TSPAN11: variants seen among roughly 807,000 people sequenced by gnomAD.
The protein encoded by TSPAN11 is tetraspanin 11.
Under a neutral mutation model 32.9 loss-of-function variants are expected in TSPAN11, and 29 were observed. That is an observed-to-expected ratio of 0.88 (90% CI 0.66 to 1.20). TSPAN11 has a LOEUF of 1.20. Among genes scored for constraint, TSPAN11 ranks in the 50% most tolerant of loss-of-function variants. The pLI is 0.00. For missense variants in TSPAN11, 283 were observed against 329.1 expected (o/e 0.86, Z 1.08); for synonymous variants, 140 against 141.3 (o/e 0.99, Z 0.07).
chr12:31,009,515 A>G, the TSPAN11 span, among the ~76,000 whole-genome samples: 3 of 152,190 alleles, frequency 2.0e-5, no homozygotes, highest in African/African-American at 7.2e-5. Context: ...AAACAGCCAG[A>G]TATGGGCTGT....
intron 7 of TSPAN11, among the ~76,000 whole-genome samples, chr12:30,983,893 G>T (rs1354144514): frequency 6.6e-6 from 1 of 152,142 alleles, no homozygotes; most frequent in East Asian, 1.9e-4. Flanking sequence ...AGCATCCATG[G>T]ATTTTGGTGT....
rs766606188 is a variant in TSPAN11 at position 30,978,615 on chromosome 12, G to A, written c.331G>A (p.Ala111Thr). Residue 111 changes from alanine (A) to threonine (T), a missense_variant, in exon 4 of 8, where the codon GCC becomes ACC. Transcript: ENST00000546076. ...FLVELVAGVLAHVYYQRLSDE... is the reference protein window; with the variant it reads ...FLVELVAGVLTHVYYQRLSDE... ...GGTTGAGCTGGTGGCGGGAGTCCTGGCCCATGTGTATTACCAGAGGGTAAG... is the reference window on the plus strand; with the variant it reads ...GGTTGAGCTGGTGGCGGGAGTCCTGACCCATGTGTATTACCAGAGGGTAAG... 6.2e-7 allele frequency: 1 copy of A among 1,614,216 alleles called. No individual in the cohort carries two copies.
chr12:30,948,391 C>T (rs1399041024), intron 1 of TSPAN11, among the ~76,000 whole-genome samples: 2 of 152,198 alleles, frequency 1.3e-5, no homozygotes, highest in Non-Finnish European at 2.9e-5. Flanking sequence ...ATGAGGGCGC[C>T]GCCCCTGCAG....
At chr12:30,987,543 G>C (rs760735364) in intron 7 of TSPAN11, among the ~76,000 whole-genome samples, 1 of 152,088 alleles carries the variant, frequency 6.6e-6, no homozygotes, top group Non-Finnish European at 1.5e-5. Flanking sequence ...GGAGGCGGAG[G>C]TTGCAGTGAG....
chr12:30,946,127 G>A (rs1265708533), intron 1 of TSPAN11, among the ~76,000 whole-genome samples: 5 of 152,200 alleles, frequency 3.3e-5, no homozygotes, highest in Non-Finnish European at 7.3e-5. Flanking sequence ...TTGATTCAAA[G>A]TGTGGTTCCG....
chr12:30,965,660 G>A (rs1466706985), intron 3 of TSPAN11, among the ~76,000 whole-genome samples: 1 of 152,164 alleles, frequency 6.6e-6, no homozygotes, highest in Non-Finnish European at 1.5e-5. Flanking sequence ...TGAACTCTGT[G>A]CCGAGCAAGC....
intron 1 of TSPAN11, among the ~76,000 whole-genome samples, chr12:30,943,906 A>G (rs1938216003): frequency 6.6e-6 from 1 of 152,230 alleles, no homozygotes; most frequent in South Asian, 2.1e-4. Context: ...ACCAAGTTTC[A>G]TTAGAGGCCT....
At chr12:30,952,738 C>A (rs541721976) in intron 1 of TSPAN11, among the ~76,000 whole-genome samples, 1 of 152,152 alleles carries the variant, frequency 6.6e-6, no homozygotes, top group Non-Finnish European at 1.5e-5. Flanking sequence ...TCCCCTGGCC[C>A]GGCATGTGTG....
At chr12:31,003,779 G>A in the TSPAN11 span, among the ~76,000 whole-genome samples, 156 of 151,344 alleles carry the variant, frequency 1.0e-3, no homozygotes, top group African/African-American at 3.3e-3. Flanking sequence ...AGGGAAGGGC[G>A]GTTTTGCTCA....
intron 1 of TSPAN11, among the ~76,000 whole-genome samples, chr12:30,931,287 AT>A (rs1489341049): frequency 2.0e-5 from 3 of 152,180 alleles, no homozygotes; most frequent in African/African-American, 7.2e-5. Context: ...CTTGATACAT[AT>A]CAGTTGAGGT....
downstream of TSPAN11, among the ~76,000 whole-genome samples, chr12:30,997,834 G>A (rs1183553938): frequency 1.3e-5 from 2 of 152,170 alleles, no homozygotes; most frequent in East Asian, 1.9e-4. Flanking sequence ...ACCCAATAGG[G>A]CCCTGCCACT....
intron 1 of TSPAN11, among the ~76,000 whole-genome samples, chr12:30,938,418 T>G: frequency 6.6e-6 from 1 of 152,200 alleles, no homozygotes; most frequent in East Asian, 1.9e-4. Flanking sequence ...TTTCCCCAGC[T>G]GACCCCATCA....
At chr12:30,960,747 TGTA>T (rs1565795383) in intron 2 of TSPAN11, among the ~76,000 whole-genome samples, 2 of 151,728 alleles carry the variant, frequency 1.3e-5, no homozygotes. Flanking sequence ...CTTTGAAAAA[TGTA>T]GTTATTGCCC....
chr12:30,959,981 C>G (rs1938579128), intron 2 of TSPAN11, among the ~76,000 whole-genome samples: 1 of 149,800 alleles, frequency 6.7e-6, no homozygotes, highest in African/African-American at 2.5e-5. Flanking sequence ...GGAACAGGAG[C>G]CAGGAGCCGG....
chr12:30,996,153 G>C lies in TSPAN11; in HGVS notation c.*4238G>C, dbSNP rs985419142. ...CTTGTTCTTCCCTGGAGGACTCTTG[G>C]ATCGCCTGTGATCTTGGCCAGGAGA... On this transcript the variant is annotated 3_prime_UTR_variant, in exon 8 of 8. Coordinates refer to ENST00000546076, the MANE Select transcript of TSPAN11 (RefSeq NM_001370302.1). 6.6e-6 allele frequency: 1 copy of C among 152,214 alleles called. No homozygotes were observed. Among genetic ancestry groups the C allele is most frequent in the Non-Finnish European group, 1.5e-5 (1 of 68,070 alleles). The allele number at this position is 152,214 out of a possible 1,614,324, so 9.4% of individuals were successfully genotyped here.
intron 7 of TSPAN11, among the ~76,000 whole-genome samples, chr12:30,986,315 A>C (rs1643704509): frequency 6.6e-6 from 1 of 152,210 alleles, no homozygotes; most frequent in South Asian, 2.1e-4. Context: ...CCTCAGGGAA[A>C]TCTCATTCCG....
chr12:30,990,016 CT>C (rs1392195650), intron 7 of TSPAN11, among the ~76,000 whole-genome samples: 1 of 152,188 alleles, frequency 6.6e-6, no homozygotes. Flanking sequence ...CCCCTGTTGG[CT>C]GCTGGAGCCA....
chr12:30,940,097 C>A (rs1417815419), intron 1 of TSPAN11, among the ~76,000 whole-genome samples: 1 of 151,774 alleles, frequency 6.6e-6, no homozygotes, highest in Non-Finnish European at 1.5e-5. Context: ...TGGCTGGTGC[C>A]TGCACTAAAG....
At chr12:30,965,168 G>A (rs772482753) in intron 3 of TSPAN11, among the ~76,000 whole-genome samples, 1 of 152,230 alleles carries the variant, frequency 6.6e-6, no homozygotes, top group Non-Finnish European at 1.5e-5. Flanking sequence ...GACCAGCCAT[G>A]AGGCTTATGG....
Sources: gnomAD v4.1 joint callset for allele counts (sites outside exome capture counted in the v4.1 genomes callset) on GRCh38, gnomAD v4.1.1 for gene constraint, MANE v1.5 for transcripts, NCBI Gene and HGNC (gene_info 2026-07-23, HGNC 2026-07-21) for gene names.